The following TCF20 variants were observed in gnomAD, a reference collection of about 807,000 sequenced individuals.
TCF20 encodes the protein transcription factor 20.
Under a neutral mutation model 148.6 loss-of-function variants are expected in TCF20, and 3 were observed. The observed-to-expected ratio is 0.02, with a 90% CI of 0.01 to 0.05. TCF20 has a LOEUF of 0.05. TCF20 is among the 10% of genes least tolerant of loss of function. The pLI is 1.00. For synonymous variants in TCF20, 1,049 were observed against 909.5 expected (o/e 1.15, Z -2.76); for missense variants, 2,350 against 2,429.3 (o/e 0.97, Z 0.69).
At chr22:42,240,202 T>C (rs369773276) in intron 1 of TCF20, among the ~76,000 whole-genome samples, 2 of 152,340 alleles carry the variant, frequency 1.3e-5, no homozygotes, top group East Asian at 1.9e-4. Context: ...AGTCATTTGC[T>C]TGACGTCACA....
At position 42,210,902 on chromosome 22, in the gene TCF20, G is replaced by A. The variant is rs1173117275; in HGVS notation, c.4404C>T (p.Thr1468=). 2 of 1,614,190 alleles carry A rather than the reference G, an allele frequency of 1.2e-6. No individual in the cohort carries two copies. The highest frequency in any genetic ancestry group is 1.3e-5 in the African/African-American group (1 of 75,026). Residue 1468 remains threonine, a synonymous_variant, in exon 2 of 6, where the codon ACC becomes ACT. Coordinates refer to ENST00000677622, the MANE Select transcript of TCF20 (RefSeq NM_001378418.1). The surrounding 1 kb of genome is among the most constrained non-coding windows in gnomAD (Gnocchi z 4.7). ...KEPPGAMTST[T]SQKPGSNQGR... ...CTTGGTTACTACCAGGCTTCTGTGA[G>A]GTTGTGGATGTCATGGCACCAGGGG...
chr22:42,170,411 G>A (rs73167200), intron 3 of TCF20, among the ~76,000 whole-genome samples: 11,408 of 151,440 alleles, frequency 0.075, 491 homozygotes, highest in South Asian at 0.11. Flanking sequence ...GGGAGGCTGA[G>A]GTGAGAAGAC....
intron 1 of TCF20, among the ~76,000 whole-genome samples, chr22:42,321,700 A>G (rs1233646869): frequency 6.6e-6 from 1 of 151,818 alleles, no homozygotes; most frequent in African/African-American, 2.4e-5. Context: ...TAATCCTAGC[A>G]CTTTGGAAGG....
At chr22:42,323,567 G>C (rs570149631) in intron 1 of TCF20, among the ~76,000 whole-genome samples, 6 of 151,886 alleles carry the variant, frequency 4.0e-5, no homozygotes, top group South Asian at 4.1e-4. Flanking sequence ...TCCAAAGTGA[G>C]AGCTTTCAGG....
rs73433529 is a variant in TCF20 at position 42,293,510 on chromosome 22, G to A, written c.-37+49969C>T. The stretch of plus-strand genomic sequence containing the variant: ...CAAATGAGAGTCTGAGGACAGCGGG[G>A]TGAGGGGGCTCAGCCAAGGTCACAG... On this transcript the variant is annotated intron_variant, in intron 1 of 1. Transcript: ENST00000515426. 2.1e-3 allele frequency among the ~76,000 whole-genome samples: 321 copies of A among 152,336 alleles called. 1 individual carries two copies. Among genetic ancestry groups the A allele is most frequent in the African/African-American group, 7.6e-3 (315 of 41,574 alleles).
chr22:42,276,083 T>G (rs1011311710), intron 1 of TCF20, among the ~76,000 whole-genome samples: 7 of 152,192 alleles, frequency 4.6e-5, no homozygotes, highest in Non-Finnish European at 8.8e-5. Flanking sequence ...CTCAAGACTT[T>G]TAGCCACATC....
chr22:42,295,505 A>G (rs1601696883), intron 1 of TCF20, among the ~76,000 whole-genome samples: 3 of 146,750 alleles, frequency 2.0e-5, no homozygotes, highest in Admixed American at 6.9e-5. Flanking sequence ...GTGCAATGGC[A>G]CAATCTCGGC....
intron 5 of TCF20, among the ~76,000 whole-genome samples, chr22:42,167,295 C>A (rs1403093276): frequency 6.6e-6 from 1 of 152,184 alleles, no homozygotes; most frequent in Non-Finnish European, 1.5e-5. Context: ...AGCCGAGGGG[C>A]CTTCTCCGGA....
At chr22:42,186,763 C>T (rs557793448) in intron 2 of TCF20, among the ~76,000 whole-genome samples, 1 of 152,234 alleles carries the variant, frequency 6.6e-6, no homozygotes, top group Non-Finnish European at 1.5e-5. Context: ...TCTCAATTCT[C>T]CTATCTGGGA....
intron 1 of TCF20, among the ~76,000 whole-genome samples, chr22:42,281,623 C>T (rs1347243163): frequency 1.3e-5 from 2 of 152,264 alleles, no homozygotes; most frequent in Non-Finnish European, 2.9e-5. Flanking sequence ...AATGCCACCT[C>T]CTCTGTGAAG....
chr22:42,280,305 C>T (rs116586492), intron 1 of TCF20, among the ~76,000 whole-genome samples: 2,794 of 152,206 alleles, frequency 0.018, 95 homozygotes, highest in African/African-American at 0.064. Context: ...TCGCTCAAGG[C>T]CCCACGGTGT....
intron 2 of TCF20, among the ~76,000 whole-genome samples, chr22:42,187,417 C>G (rs1029187699): frequency 1.3e-5 from 2 of 152,202 alleles, no homozygotes; most frequent in African/African-American, 4.8e-5. Context: ...GTATTTGTTT[C>G]TTTGGGAAAA....
At chr22:42,269,066 T>C (rs1305402646) in intron 1 of TCF20, among the ~76,000 whole-genome samples, 11 of 152,122 alleles carry the variant, frequency 7.2e-5, no homozygotes, top group Admixed American at 7.2e-4. Context: ...TGGGCTGCAG[T>C]TTATTTGGCG....
At chr22:42,248,079 T>C (rs1203963395) in intron 1 of TCF20, among the ~76,000 whole-genome samples, 6 of 152,122 alleles carry the variant, frequency 3.9e-5, no homozygotes, top group Non-Finnish European at 5.9e-5. Context: ...TTCCATCCCA[T>C]GGTGCTTACA....
At chr22:42,324,751 C>T (rs1353230628) in intron 1 of TCF20, among the ~76,000 whole-genome samples, 2 of 152,258 alleles carry the variant, frequency 1.3e-5, no homozygotes, top group African/African-American at 2.4e-5. Flanking sequence ...AAATAACCTC[C>T]ACCATTTGTT....
chr22:42,305,277 T>G (rs1927412000), intron 1 of TCF20, among the ~76,000 whole-genome samples: 1 of 152,114 alleles, frequency 6.6e-6, no homozygotes, highest in South Asian at 2.1e-4. Flanking sequence ...GATTGACTAC[T>G]TCCTATTAAT....
At chr22:42,161,428 C>G in intron 5 of TCF20, 70 bp from the exon 6 acceptor site, 1 of 1,607,616 alleles carries the variant, frequency 6.2e-7, no homozygotes. Flanking sequence ...GCCGCTGTTC[C>G]GTGGTACCCC....
intron 1 of TCF20, among the ~76,000 whole-genome samples, chr22:42,305,960 GTC>G (rs762740972): frequency 3.9e-5 from 6 of 152,190 alleles, no homozygotes; most frequent in Non-Finnish European, 7.3e-5. Flanking sequence ...TCCCTTCATG[GTC>G]CAGCAAAGGC....
intron 1 of TCF20, among the ~76,000 whole-genome samples, chr22:42,252,368 C>A (rs74474562): frequency 0.017 from 2,613 of 152,142 alleles, 83 homozygotes; most frequent in African/African-American, 0.059. Context: ...TTCAAGAAGT[C>A]TTTGGGAGAG....
Sources: allele counts gnomAD v4.1 joint callset (sites outside exome capture counted in the v4.1 genomes callset), GRCh38; gene constraint gnomAD v4.1.1; non-coding constraint Gnocchi (gnomAD v3.1); transcripts MANE v1.5; gene names NCBI Gene and HGNC (gene_info 2026-07-23, HGNC 2026-07-21).